Variants in NBEA observed in about 807,000 individuals in gnomAD.
The protein encoded by NBEA is neurobeachin.
NBEA carries 44 observed loss-of-function variants against 343.4 expected under a neutral mutation model. The observed-to-expected ratio is 0.13, with a 90% confidence interval of 0.10 to 0.16. NBEA has a LOEUF of 0.16. Ranked by LOEUF, NBEA falls within the 10% of genes least tolerant of loss-of-function variation. The pLI is 1.00. For missense variants in NBEA, 2,555 were observed against 3,631.3 expected (o/e 0.70, Z 7.62); for synonymous variants, 1,175 against 1,238.7 (o/e 0.95, Z 1.08).
intron 1 of NBEA, among the ~76,000 whole-genome samples, chr13:34,952,847 G>C (rs2059390505): frequency 6.6e-6 from 1 of 151,994 alleles, no homozygotes. Flanking sequence ...TTTACATTTG[G>C]GAAGGGAATT....
chr13:35,426,202 GGCTATTTT>G (rs1276222898), intron 38 of NBEA, among the ~76,000 whole-genome samples: 1 of 152,116 alleles, frequency 6.6e-6, no homozygotes, highest in East Asian at 1.9e-4. Context: ...GATGTCAGCT[GGCTATTTT>G]GCTCGTTAGT....
intron 51 of NBEA, 100 bp downstream of exon 51, chr13:35,646,448 C>T: frequency 1.2e-6 from 1 of 850,386 alleles, no homozygotes; most frequent in East Asian, 2.6e-5. Context: ...TAAAAGGCTT[C>T]TCGATTTATT....
chr13:35,494,537 C>T (rs1281108485), intron 41 of NBEA, among the ~76,000 whole-genome samples: 3 of 151,440 alleles, frequency 2.0e-5, no homozygotes, highest in South Asian at 2.1e-4. Context: ...CTAGAGCCAT[C>T]GCTAATAAAA....
chr13:35,646,330 G>T lies in NBEA; in HGVS notation c.7752G>T (p.Arg2584=). ...SQLLIEPHPP[R]SSAMHLCFLP... ...TGCTTATTGAGCCACATCCGCCTCG[G>T]AGCTCTGCCATGCACCTGGTAAGAC... is the stretch of plus-strand genomic sequence containing the variant. Residue 2584 remains arginine, a synonymous_variant, in exon 51 of 59, where the codon CGG becomes CGT. Transcript: ENST00000379939. The T allele has an allele frequency of 6.2e-7, 1 of 1,613,518 alleles. No individual in the cohort carries two copies. Among genetic ancestry groups the T allele is most frequent in the African/African-American group, 1.3e-5 (1 of 75,028 alleles).
chr13:35,387,629 C>T (rs1357715911), intron 38 of NBEA, among the ~76,000 whole-genome samples: 2 of 152,064 alleles, frequency 1.3e-5, no homozygotes, highest in Admixed American at 6.6e-5. Context: ...GGGTAGACTT[C>T]AGTGACAGCT....
intron 35 of NBEA, among the ~76,000 whole-genome samples, chr13:35,292,903 G>C (rs1223599711): frequency 2.0e-5 from 3 of 151,880 alleles, no homozygotes; most frequent in Non-Finnish European, 4.4e-5. Context: ...TTTTTTGAGA[G>C]ACCGGGCAGA....
At position 35,433,318 on chromosome 13, in the gene NBEA, A is replaced by C. The variant is rs182529091; in HGVS notation, c.6304+925A>C. 3.9e-5 allele frequency among the ~76,000 whole-genome samples: 6 copies of C among 152,150 alleles called. No homozygotes were observed. In the East Asian group the frequency reaches 9.7e-4, roughly 24 times the overall value. ...CACTAAGGAAATACCAGTAATGAAC[A>C]CTGTCCATGTGTTTGTTATCCACTT... On this transcript the variant is annotated intron_variant, in intron 39 of 58. Coordinates refer to ENST00000379939, the MANE Select transcript of NBEA (RefSeq NM_001385012.1).
At chr13:35,300,457 A>G (rs2036468714) in intron 35 of NBEA, among the ~76,000 whole-genome samples, 1 of 152,240 alleles carries the variant, frequency 6.6e-6, no homozygotes, top group Admixed American at 6.5e-5. Context: ...CTTCACACAC[A>G]CTGTAAATAA....
chr13:35,210,987 T>G, intron 32 of NBEA, 66 bp from the exon 33 acceptor site: 1 of 1,454,540 alleles, frequency 6.9e-7, no homozygotes, highest in Non-Finnish European at 9.3e-7. Flanking sequence ...CAGATAGTAA[T>G]GGTGTAATTA....
intron 28 of NBEA, 21 bp from the exon 29 acceptor site, chr13:35,182,339 C>T (rs773400465): frequency 1.3e-6 from 2 of 1,582,342 alleles, no homozygotes; most frequent in Non-Finnish European, 1.7e-6. Context: ...AGTGTTAAAA[C>T]TGTCTTTTCA....
chr13:35,101,802 T>G (rs2065659314), intron 11 of NBEA, among the ~76,000 whole-genome samples: 1 of 151,878 alleles, frequency 6.6e-6, no homozygotes, highest in Admixed American at 6.6e-5. Flanking sequence ...AAATCATATA[T>G]GTATTTTGGA....
chr13:35,448,664 A>T (rs1290768211), intron 39 of NBEA, among the ~76,000 whole-genome samples: 1 of 152,220 alleles, frequency 6.6e-6, no homozygotes, highest in African/African-American at 2.4e-5. Flanking sequence ...GCAAGCAGTT[A>T]CAATATCTAT....
At position 35,667,561 on chromosome 13, in the gene NBEA, T is replaced by C. The variant is rs779141791; in HGVS notation, c.8652T>C (p.Asp2884=). 6.2e-7 allele frequency: 1 copy of C among 1,613,806 alleles called. No homozygotes were observed. Among genetic ancestry groups the C allele is most frequent in the Non-Finnish European group, 8.5e-7 (1 of 1,179,794 alleles). ...GKLLAQMEIN[D]STRAILLSSD... ...TTTTGGCTCAAATGGAGATCAATGA[T>C]TCAACACGGGTAAATCTGCATAGTT... is the stretch of plus-strand genomic sequence containing the variant. The change falls in exon 57 of 59, where the codon GAT becomes GAC. Residue 2884 remains aspartate, a synonymous_variant. Coordinates refer to ENST00000379939, the MANE Select transcript of NBEA (RefSeq NM_001385012.1).
intron 21 of NBEA, 84 bp downstream of exon 21, chr13:35,157,354 G>T: frequency 9.6e-7 from 1 of 1,043,714 alleles, no homozygotes; most frequent in South Asian, 2.9e-5. Flanking sequence ...GTGCCATCTT[G>T]TGGGCATCTT....
intron 38 of NBEA, among the ~76,000 whole-genome samples, chr13:35,383,347 A>G (rs1288959828): frequency 6.6e-6 from 1 of 152,202 alleles, no homozygotes; most frequent in African/African-American, 2.4e-5. Context: ...TGCCTAATCA[A>G]TATATTAACT....
chr13:35,300,987 G>C (rs2036501641), intron 35 of NBEA, among the ~76,000 whole-genome samples: 1 of 151,904 alleles, frequency 6.6e-6, no homozygotes, highest in African/African-American at 2.4e-5. Context: ...TTTTACAACT[G>C]TCATTCACAA....
Position 35,609,127 on chromosome 13 carries a change from A to G in NBEA, c.7449+2549A>G, listed in dbSNP as rs534889816. On this transcript the variant is annotated intron_variant, in intron 48 of 58. Transcript: ENST00000379939. ...GCAAGTATACTAAGCTTAAATATGC[A>G]TTAAAGAAAAATAGAGTGGTTATCT... Among the ~76,000 whole-genome samples the G allele has an allele frequency of 2.1e-4, 32 of 152,368 alleles. No homozygotes were observed. In the South Asian group the frequency reaches 6.4e-3, roughly 31 times the overall value.
chr13:35,231,413 G>C, intron 33 of NBEA, among the ~76,000 whole-genome samples: 1 of 152,096 alleles, frequency 6.6e-6, no homozygotes, highest in Middle Eastern at 3.4e-3. Flanking sequence ...TGCCTCATGT[G>C]TAACAAAATG....
At chr13:35,323,458 C>T (rs1056692913) in intron 36 of NBEA, among the ~76,000 whole-genome samples, 4 of 151,020 alleles carry the variant, frequency 2.6e-5, no homozygotes, top group Middle Eastern at 3.4e-3. Flanking sequence ...AGTAAACTAT[C>T]GCAAGAACAA....
Sources: allele counts gnomAD v4.1 joint callset (sites outside exome capture counted in the v4.1 genomes callset), GRCh38; gene constraint gnomAD v4.1.1; transcripts MANE v1.5; gene names NCBI Gene and HGNC (gene_info 2026-07-23, HGNC 2026-07-21).